DOK5: variants seen among roughly 807,000 people sequenced by gnomAD.
DOK5 encodes downstream of tyrosine kinase 5.
A neutral mutation model predicts 43.3 loss-of-function variants in DOK5; 27 were observed. The ratio of observed to expected loss-of-function variants is 0.62; its 90% CI spans 0.46 to 0.86. DOK5 has a LOEUF of 0.86. Among genes scored for constraint, DOK5 ranks in the 40% least tolerant of loss-of-function variants. DOK5 has a pLI of 0.00. For synonymous variants in DOK5, 146 were observed against 140.1 expected (o/e 1.04, Z -0.30); for missense variants, 373 against 392.9 (o/e 0.95, Z 0.43).
chr20:54,528,650 T>C (rs796604593), intron 1 of DOK5, among the ~76,000 whole-genome samples: 6 of 152,326 alleles, frequency 3.9e-5, no homozygotes, highest in African/African-American at 1.4e-4. Flanking sequence ...CCTGGAAGAA[T>C]AGAAAATACA....
At chr20:54,483,251 A>G (rs1263841203) in intron 1 of DOK5, among the ~76,000 whole-genome samples, 1 of 152,228 alleles carries the variant, frequency 6.6e-6, no homozygotes, top group African/African-American at 2.4e-5. Context: ...TTGAAATCAT[A>G]TTTATTAGAA....
intron 1 of DOK5, among the ~76,000 whole-genome samples, chr20:54,507,389 C>T (rs769241034): frequency 5.3e-5 from 8 of 152,270 alleles, no homozygotes; most frequent in Non-Finnish European, 1.0e-4. Context: ...GTGAAATTAA[C>T]TTTAATGCTA....
At chr20:54,644,710 A>AAAAAAAAAAC (rs1568827112) in intron 7 of DOK5, among the ~76,000 whole-genome samples, 2 of 102,192 alleles carry the variant, frequency 2.0e-5, no homozygotes, top group Admixed American at 9.6e-5. Context: ...CGTCTCAAAA[A>AAAAAAAAAAC]AAAAAAAAAA....
In DOK5 at chr20:54,644,868, C is replaced by CA. The variant is rs3044097; in HGVS notation, c.856+1302dup. Among the ~76,000 whole-genome samples, 437 of 146,104 alleles carry CA rather than the reference C, an allele frequency of 3.0e-3. 5 individuals carry two copies. Among genetic ancestry groups the CA allele is most frequent in the African/African-American group, 6.6e-3 (264 of 39,710 alleles). ...GGGCAACAAGAGCAAAACTCCATCT[C>CA]AAAAAAAAAAAATTCTATTTAAACC... is the stretch of plus-strand genomic sequence containing the variant. On this transcript the variant is annotated intron_variant, in intron 7 of 7. Transcript: ENST00000262593.
intron 7 of DOK5, among the ~76,000 whole-genome samples, chr20:54,647,599 G>T (rs1304658868): frequency 1.3e-5 from 2 of 151,962 alleles, no homozygotes; most frequent in Non-Finnish European, 2.9e-5. Flanking sequence ...ATTCTTTTAG[G>T]AATGCATTGG....
At chr20:54,547,738 C>T (rs745331251) in intron 1 of DOK5, among the ~76,000 whole-genome samples, 4 of 152,166 alleles carry the variant, frequency 2.6e-5, no homozygotes, top group African/African-American at 7.2e-5. Context: ...AAAGTACATG[C>T]TGAATGAGAT....
intron 1 of DOK5, among the ~76,000 whole-genome samples, chr20:54,493,420 T>A (rs1982273922): frequency 6.6e-6 from 1 of 152,190 alleles, no homozygotes; most frequent in African/African-American, 2.4e-5. Flanking sequence ...TTCCCCTTAC[T>A]CTTAGTTTCT....
intron 1 of DOK5, among the ~76,000 whole-genome samples, chr20:54,507,162 T>G (rs1160831367): frequency 6.6e-6 from 1 of 152,148 alleles, no homozygotes; most frequent in Non-Finnish European, 1.5e-5. Flanking sequence ...TGGGATACAG[T>G]ATGAACAAGA....
intron 1 of DOK5, among the ~76,000 whole-genome samples, chr20:54,520,711 A>C (rs947628162): frequency 1.3e-5 from 2 of 152,154 alleles, no homozygotes; most frequent in Non-Finnish European, 2.9e-5. Flanking sequence ...GCTTGAGCCC[A>C]GGAGGTTGAG....
intron 2 of DOK5, among the ~76,000 whole-genome samples, chr20:54,561,099 C>T (rs1984889111): frequency 6.6e-6 from 1 of 152,194 alleles, no homozygotes; most frequent in Non-Finnish European, 1.5e-5. Context: ...CCTTTTCTTT[C>T]GTGGTCCATG....
At chr20:54,514,107 C>T (rs1157153271) in intron 1 of DOK5, among the ~76,000 whole-genome samples, 1 of 152,184 alleles carries the variant, frequency 6.6e-6, no homozygotes, top group Admixed American at 6.5e-5. Flanking sequence ...GATTTCTTGA[C>T]AAAGTCGTTG....
At chr20:54,547,117 C>G (rs537560396) in intron 1 of DOK5, among the ~76,000 whole-genome samples, 1 of 152,336 alleles carries the variant, frequency 6.6e-6, no homozygotes, top group East Asian at 1.9e-4. Context: ...CAGGCCAAAT[C>G]TGGCCCACTG....
At chr20:54,627,562 G>T (rs1391969798) in intron 6 of DOK5, among the ~76,000 whole-genome samples, 1 of 152,188 alleles carries the variant, frequency 6.6e-6, no homozygotes, top group Non-Finnish European at 1.5e-5. Flanking sequence ...TGGGAAACTT[G>T]TCAGAGGTTG....
At chr20:54,486,029 T>C (rs145235786) in intron 1 of DOK5, among the ~76,000 whole-genome samples, 125 of 152,364 alleles carry the variant, frequency 8.2e-4, no homozygotes, top group African/African-American at 2.9e-3. Flanking sequence ...CAATCCCTTT[T>C]AGATAAGTGG....
chr20:54,554,049 A>G (rs1600698661), intron 1 of DOK5, among the ~76,000 whole-genome samples: 2 of 151,916 alleles, frequency 1.3e-5, no homozygotes, highest in Non-Finnish European at 2.9e-5. Context: ...GTGCTAGTGT[A>G]CCTTTTACTA....
chr20:54,592,167 A>G (rs1004287737), intron 5 of DOK5, among the ~76,000 whole-genome samples: 7 of 152,076 alleles, frequency 4.6e-5, no homozygotes, highest in Admixed American at 1.3e-4. Flanking sequence ...AAACTTCCAT[A>G]TTATTATTTC....
intron 1 of DOK5, among the ~76,000 whole-genome samples, chr20:54,497,517 C>T (rs1159146086): frequency 6.6e-6 from 1 of 152,152 alleles, no homozygotes; most frequent in Non-Finnish European, 1.5e-5. Flanking sequence ...AGATTAAAAA[C>T]ATCATCCACT....
At chr20:54,509,167 C>T (rs1419049944) in intron 1 of DOK5, among the ~76,000 whole-genome samples, 1 of 152,156 alleles carries the variant, frequency 6.6e-6, no homozygotes, top group East Asian at 1.9e-4. Flanking sequence ...TGAGCCACCG[C>T]ACCCGGCCTA....
intron 2 of DOK5, among the ~76,000 whole-genome samples, chr20:54,557,398 A>G (rs911993705): frequency 6.6e-6 from 1 of 152,020 alleles, no homozygotes; most frequent in Non-Finnish European, 1.5e-5. Flanking sequence ...TAGATTTTAC[A>G]CTTCTATGAG....
Sources: gnomAD v4.1 joint callset for allele counts (sites outside exome capture counted in the v4.1 genomes callset) on GRCh38, gnomAD v4.1.1 for gene constraint, MANE v1.5 for transcripts, NCBI Gene and HGNC (gene_info 2026-07-23, HGNC 2026-07-21) for gene names.